SCOC: variants seen among roughly 807,000 people sequenced by gnomAD.
SCOC encodes the protein short coiled-coil protein, also known as short coiled coil protein.
A neutral mutation model predicts 9.9 loss-of-function variants in SCOC; 7 were observed. The ratio of observed to expected loss-of-function variants is 0.71; its 90% CI spans 0.40 to 1.33. SCOC has a LOEUF of 1.33. Ranked by LOEUF, SCOC falls within the 40% of genes most tolerant of loss-of-function variation. The pLI, the probability that SCOC is intolerant of heterozygous loss-of-function variation, is 0.01. For missense variants in SCOC, 66 were observed against 89.7 expected, an observed-to-expected ratio of 0.74 and a Z score of 1.07; for synonymous variants, 19 against 28.2, an observed-to-expected ratio of 0.67 and a Z score of 1.03.
intron 2 of SCOC, chr4:140,360,829 A>G (rs1420684290): frequency 6.6e-6 from 1 of 152,212 alleles, no homozygotes; most frequent in Non-Finnish European, 1.5e-5. Context: ...CAGATTCAAT[A>G]TTTTAATAAA....
chr4:140,324,378 T>C (rs1471400453), intron 1 of SCOC, among the ~76,000 whole-genome samples: 2 of 152,058 alleles, frequency 1.3e-5, no homozygotes, highest in Non-Finnish European at 2.9e-5. Flanking sequence ...GAAAAACAAA[T>C]AAATAGCATA....
intron 1 of SCOC, among the ~76,000 whole-genome samples, chr4:140,309,876 C>A (rs1578796008): frequency 6.6e-6 from 1 of 152,150 alleles, no homozygotes; most frequent in Admixed American, 6.5e-5. Context: ...AATCTCCAGC[C>A]TAGGTTGCCT....
At chr4:140,341,370 G>A (rs1368121272), upstream of SCOC, among the ~76,000 whole-genome samples, 1 of 152,160 alleles carries the variant, frequency 6.6e-6, no homozygotes, top group Non-Finnish European at 1.5e-5. Flanking sequence ...TAAGAGCACA[G>A]ACCCTACAGC....
chr4:140,368,311 A>T (rs1727891597), intron 2 of SCOC, among the ~76,000 whole-genome samples: 2 of 152,232 alleles, frequency 1.3e-5, no homozygotes, highest in South Asian at 4.1e-4. Context: ...ATCAGTTTTG[A>T]ACTTAGCTTT....
chr4:140,319,157 C>A (rs986128203), intron 1 of SCOC, among the ~76,000 whole-genome samples: 4 of 152,014 alleles, frequency 2.6e-5, no homozygotes, highest in African/African-American at 9.7e-5. Flanking sequence ...AACCACACAA[C>A]CTTGGCTCAC....
chr4:140,339,840 T>G (rs1410000144), upstream of SCOC, among the ~76,000 whole-genome samples: 3 of 152,202 alleles, frequency 2.0e-5, no homozygotes, highest in East Asian at 5.8e-4. Context: ...GGAACACTTT[T>G]ACACTGTTGG....
At chr4:140,340,430 G>A (rs908744857), upstream of SCOC, among the ~76,000 whole-genome samples, 6 of 151,602 alleles carry the variant, frequency 4.0e-5, no homozygotes, top group East Asian at 1.9e-4. Context: ...AAACCTGCAC[G>A]TGGTACACAT....
intron 1 of SCOC, among the ~76,000 whole-genome samples, chr4:140,320,992 G>A (rs1173242071): frequency 6.6e-6 from 1 of 152,204 alleles, no homozygotes; most frequent in South Asian, 2.1e-4. Flanking sequence ...AACAAGAGTT[G>A]CATCAGAATA....
intron 1 of SCOC, among the ~76,000 whole-genome samples, chr4:140,301,915 T>C (rs1301908972): frequency 6.6e-6 from 1 of 152,222 alleles, no homozygotes; most frequent in Non-Finnish European, 1.5e-5. Flanking sequence ...CATTGCAGCC[T>C]TGCCCTCCCA....
chr4:140,285,663 A>C (rs992918614), intron 1 of SCOC, among the ~76,000 whole-genome samples: 6 of 152,242 alleles, frequency 3.9e-5, no homozygotes, highest in African/African-American at 1.4e-4. Flanking sequence ...GTGAGAATGC[A>C]GCATTTCTCT....
chr4:140,346,472 C>A (rs918284301), intron 2 of SCOC, among the ~76,000 whole-genome samples: 1 of 152,124 alleles, frequency 6.6e-6, no homozygotes, highest in African/African-American at 2.4e-5. Context: ...ATCGCCTCCC[C>A]CTTATACTGC....
chr4:140,307,133 C>T (rs910172316), intron 1 of SCOC, among the ~76,000 whole-genome samples: 1 of 152,174 alleles, frequency 6.6e-6, no homozygotes, highest in South Asian at 2.1e-4. Context: ...CAGACCCTCA[C>T]CAGACATCAA....
At chr4:140,328,119 C>A (rs1006505368) in intron 1 of SCOC, among the ~76,000 whole-genome samples, 29 of 152,184 alleles carry the variant, frequency 1.9e-4, no homozygotes, top group Middle Eastern at 3.2e-3. Flanking sequence ...AGGGAACATG[C>A]TGAGAAGAAA....
At chr4:140,293,247 C>T (rs759480267) in intron 1 of SCOC, 7 of 453,824 alleles carry the variant, frequency 1.5e-5, no homozygotes, top group Non-Finnish European at 2.7e-5. Flanking sequence ...AGGGAATAAC[C>T]ATACCCCACA....
At chr4:140,339,546 A>G (rs1726418306), upstream of SCOC, among the ~76,000 whole-genome samples, 1 of 152,196 alleles carries the variant, frequency 6.6e-6, no homozygotes. Flanking sequence ...TTTGCAATCT[A>G]CTCATCTGAC....
intron 1 of SCOC, among the ~76,000 whole-genome samples, chr4:140,303,859 GA>G (rs1560691967): frequency 2.0e-5 from 3 of 152,198 alleles, no homozygotes; most frequent in Non-Finnish European, 4.4e-5. Context: ...TAGGGATATA[GA>G]TGATAAAGAA....
intron 1 of SCOC, chr4:140,373,982 A>G: frequency 1.5e-6 from 1 of 646,170 alleles, no homozygotes; most frequent in Non-Finnish European, 2.9e-6. Flanking sequence ...TCCCTGACGC[A>G]GACATCGTGT....
intron 1 of SCOC, among the ~76,000 whole-genome samples, chr4:140,298,225 G>C (rs1171150229): frequency 6.6e-6 from 1 of 152,158 alleles, no homozygotes; most frequent in African/African-American, 2.4e-5. Flanking sequence ...CCTGACCATG[G>C]GCTCTTCGCA....
intron 2 of SCOC, among the ~76,000 whole-genome samples, chr4:140,354,453 T>A (rs1460651588): frequency 6.6e-6 from 1 of 151,804 alleles, no homozygotes; most frequent in African/African-American, 2.4e-5. Context: ...TATTTAGTGA[T>A]CGTCCACATA....
Sources: allele counts gnomAD v4.1 joint callset (sites outside exome capture counted in the v4.1 genomes callset), GRCh38; gene constraint gnomAD v4.1.1; transcripts MANE v1.5; gene names NCBI Gene and HGNC (gene_info 2026-07-23, HGNC 2026-07-21).